BDP1: variants seen among roughly 807,000 people sequenced by gnomAD.
BDP1 encodes the protein BDP1 general transcription factor IIIB subunit.
In BDP1, 169 loss-of-function variants were observed where a neutral mutation model predicts 266.6. The observed-to-expected ratio is 0.63, with a 90% CI of 0.56 to 0.72. The LOEUF is 0.72. Ranked by LOEUF, BDP1 falls within the 30% of genes least tolerant of loss-of-function variation. The pLI is 0.00. For missense variants in BDP1, 3,015 were observed against 3,053.8 expected (o/e 0.99, Z 0.30); for synonymous variants, 1,090 against 1,022.4 (o/e 1.07, Z -1.26).
chr5:71,541,987 C>A (rs1766995381), intron 29 of BDP1, 118 bp from the exon 30 acceptor site: 5 of 791,012 alleles, frequency 6.3e-6, no homozygotes, highest in Non-Finnish European at 9.8e-6. Context: ...GAAATGAACA[C>A]TTGTAGACAG....
chr5:71,518,299 CT>C (rs1765326646), intron 22 of BDP1, among the ~76,000 whole-genome samples: 1 of 152,128 alleles, frequency 6.6e-6, no homozygotes, highest in Admixed American at 6.5e-5. Flanking sequence ...TTTCAGCTTC[CT>C]TTAATTAGGT....
intron 7 of BDP1, among the ~76,000 whole-genome samples, chr5:71,481,804 ATT>A (rs1762984005): frequency 6.6e-6 from 1 of 152,158 alleles, no homozygotes; most frequent in Non-Finnish European, 1.5e-5. Context: ...GGCATGAGTT[ATT>A]ATTTTCTAAG....
intron 7 of BDP1, among the ~76,000 whole-genome samples, chr5:71,477,455 A>G (rs1367952762): frequency 6.6e-6 from 1 of 152,038 alleles, no homozygotes; most frequent in African/African-American, 2.4e-5. Context: ...AGCCCTATAT[A>G]TTTTTAAATT....
intron 7 of BDP1, 34 bp downstream of exon 7, chr5:71,470,523 A>G: frequency 7.4e-7 from 1 of 1,346,616 alleles, no homozygotes; most frequent in East Asian, 2.3e-5. Context: ...TTGATTGGAA[A>G]GAGACCAAAC....
chr5:71,535,616 A>AT (rs1447947329), intron 26 of BDP1, among the ~76,000 whole-genome samples: 1 of 152,172 alleles, frequency 6.6e-6, no homozygotes. Flanking sequence ...AACAAAACAA[A>AT]TTTATTCTCT....
intron 13 of BDP1, 135 bp from the exon 14 acceptor site, chr5:71,501,427 G>A (rs1397477049): frequency 8.7e-6 from 5 of 577,524 alleles, no homozygotes; most frequent in African/African-American, 1.9e-5. Flanking sequence ...GCCTGCCTTG[G>A]CCTCCCAAAG....
intron 7 of BDP1, among the ~76,000 whole-genome samples, chr5:71,475,041 A>T (rs1762501078): frequency 6.6e-6 from 1 of 151,854 alleles, no homozygotes; most frequent in African/African-American, 2.4e-5. Flanking sequence ...CATCCAGGGA[A>T]CTCTTAAATT....
intron 12 of BDP1, among the ~76,000 whole-genome samples, chr5:71,496,555 A>G (rs1763905850): frequency 6.6e-6 from 1 of 150,434 alleles, no homozygotes. Context: ...CTCCCACCTT[A>G]GTCTCCCAGG....
At chr5:71,525,683 G>C (rs998105903) in intron 25 of BDP1, among the ~76,000 whole-genome samples, 5 of 144,364 alleles carry the variant, frequency 3.5e-5, no homozygotes, top group Non-Finnish European at 7.7e-5. Context: ...GGCCGGGCGG[G>C]GGGCTGACCC....
At chr5:71,564,717 C>A in intron 38 of BDP1, 37 bp from the exon 39 acceptor site, 1 of 1,525,216 alleles carries the variant, frequency 6.6e-7, no homozygotes, top group Non-Finnish European at 9.0e-7. Context: ...TGTTGTATTA[C>A]AGTTTTATTT....
intron 13 of BDP1, among the ~76,000 whole-genome samples, chr5:71,498,472 G>A (rs1764028320): frequency 6.6e-6 from 1 of 151,338 alleles, no homozygotes; most frequent in Admixed American, 6.6e-5. Flanking sequence ...TGCCCAGGCT[G>A]GAGTGCAGTG....
intron 3 of BDP1, among the ~76,000 whole-genome samples, chr5:71,463,098 G>A (rs1234243173): frequency 6.6e-6 from 1 of 152,056 alleles, no homozygotes; most frequent in African/African-American, 2.4e-5. Context: ...GGGAGACAGC[G>A]AGACTCTGTC....
intron 16 of BDP1, among the ~76,000 whole-genome samples, chr5:71,506,922 T>C (rs1233361492): frequency 6.6e-6 from 1 of 151,926 alleles, no homozygotes; most frequent in Non-Finnish European, 1.5e-5. Flanking sequence ...TTGGGCTCAA[T>C]TGATCCTCTT....
intron 32 of BDP1, among the ~76,000 whole-genome samples, chr5:71,547,032 T>C (rs560828205): frequency 1.4e-4 from 22 of 152,208 alleles, no homozygotes; most frequent in Non-Finnish European, 2.8e-4. Flanking sequence ...ATAATATTTT[T>C]AGTAGAGATG....
Position 71,510,178 on chromosome 5 carries a change from T to C in BDP1, c.3086T>C (p.Ile1029Thr), listed in dbSNP as rs201934669. 6.8e-6 allele frequency: 11 copies of C among 1,613,346 alleles called. No homozygotes were observed. Among genetic ancestry groups the C allele is most frequent in the African/African-American group, 5.4e-5 (4 of 74,650 alleles). Residue 1029 changes from isoleucine to threonine, a missense_variant, in exon 17 of 39, where the codon ATT (isoleucine) becomes ACT (threonine). Ile to Thr is a moderately conservative substitution (Grantham distance 89). Transcript: ENST00000358731. ...SSPREKTPEV[I>T]DATEEIDLEE... ...CCAAGGGAGAAGACACCAGAGGTGA[T>C]TGATGCTACTGAGGAAATAGATTTG... is the stretch of plus-strand genomic sequence containing the variant.
chr5:71,478,466 T>C (rs1393434959), intron 7 of BDP1, among the ~76,000 whole-genome samples: 1 of 152,224 alleles, frequency 6.6e-6, no homozygotes, highest in Non-Finnish European at 1.5e-5. Context: ...TTTATCTGAA[T>C]GTTTTTATTT....
intron 15 of BDP1, among the ~76,000 whole-genome samples, chr5:71,504,081 G>T (rs1371847168): frequency 6.6e-6 from 1 of 151,820 alleles, no homozygotes; most frequent in Non-Finnish European, 1.5e-5. Context: ...GACCATCCTG[G>T]CTAACACGGT....
rs1187602898 is a variant in BDP1 at position 71,529,475 on chromosome 5, G to C, written c.5773-2833G>C. On this transcript the variant is annotated intron_variant, in intron 25 of 38. Coordinates refer to ENST00000358731, the MANE Select transcript of BDP1 (RefSeq NM_018429.3). ...GGGAGGTTGAGGCGGAGGATCAGTTGAGGGCAGGAGTTCAAGACCAGCCTA... is the reference window on the plus strand; with the variant it reads ...GGGAGGTTGAGGCGGAGGATCAGTTCAGGGCAGGAGTTCAAGACCAGCCTA... Among the ~76,000 whole-genome samples the C allele has an allele frequency of 3.3e-5, 5 of 152,246 alleles. No individual in the cohort carries two copies. In the East Asian group the frequency reaches 9.6e-4, roughly 29 times the overall value.
At chr5:71,470,789 C>T (rs1762194128) in intron 7 of BDP1, among the ~76,000 whole-genome samples, 1 of 151,684 alleles carries the variant, frequency 6.6e-6, no homozygotes, top group African/African-American at 2.4e-5. Context: ...GGGGTTTTAC[C>T]ATGTTGCCCA....
Sources: gnomAD v4.1 joint callset for allele counts (sites outside exome capture counted in the v4.1 genomes callset) on GRCh38, gnomAD v4.1.1 for gene constraint, MANE v1.5 for transcripts, NCBI Gene and HGNC (gene_info 2026-07-23, HGNC 2026-07-21) for gene names.